Variants in PLCG2 observed in about 807,000 individuals in gnomAD.
PLCG2 encodes 1-phosphatidylinositol 4,5-bisphosphate phosphodiesterase gamma-2.
Under a neutral mutation model 175.6 loss-of-function variants are expected in PLCG2, and 69 were observed. The observed-to-expected ratio is 0.39, with a 90% CI of 0.32 to 0.48. The LOEUF is 0.48. Ranked by LOEUF, PLCG2 falls within the 20% of genes least tolerant of loss-of-function variation. PLCG2 has a pLI of 0.91. For missense variants in PLCG2, 1,798 were observed against 1,650.9 expected (o/e 1.09, Z -1.54); for synonymous variants, 827 against 624.0 (o/e 1.33, Z -4.85).
At chr16:81,757,805 C>T (rs1426793839) in intron 2 of PLCG2, among the ~76,000 whole-genome samples, 6 of 151,928 alleles carry the variant, frequency 3.9e-5, no homozygotes, top group African/African-American at 1.5e-4. Context: ...ACCCCTTAGG[C>T]CGTCACTCCC....
chr16:81,833,584 C>T (rs1330682466), intron 2 of PLCG2, among the ~76,000 whole-genome samples: 3 of 148,364 alleles, frequency 2.0e-5, no homozygotes, highest in Non-Finnish European at 4.4e-5. Flanking sequence ...GGCTGGAGTG[C>T]GGTGGTGTGA....
chr16:81,740,933 G>A (rs967817752), intron 1 of PLCG2, among the ~76,000 whole-genome samples: 10 of 152,096 alleles, frequency 6.6e-5, no homozygotes, highest in African/African-American at 2.4e-4. Flanking sequence ...ATCCTCCCTG[G>A]AATTCCCACA....
At position 81,865,094 on chromosome 16, in the gene PLCG2, G is replaced by A. The variant is rs944497802; in HGVS notation, c.480-4120G>A. ...AGGCAGCTGGGGAGTCACAACCATG[G>A]CCTGGGCACACCTGATGGGGAGCTC... On this transcript the variant is annotated intron_variant, in intron 5 of 32. Coordinates refer to ENST00000564138, the MANE Select transcript of PLCG2 (RefSeq NM_002661.5). Among the ~76,000 whole-genome samples the A allele has an allele frequency of 1.4e-4, 22 of 152,176 alleles. 1 individual carries two copies.
At chr16:81,753,485 C>A (rs922514696) in intron 1 of PLCG2, among the ~76,000 whole-genome samples, 1 of 148,082 alleles carries the variant, frequency 6.8e-6, no homozygotes, top group African/African-American at 2.5e-5. Context: ...GTAGTTGTAT[C>A]TTGGCTCACT....
chr16:81,739,276 G>C (rs553979879), exon 1 of PLCG2: 1 of 151,986 alleles, frequency 6.6e-6, no homozygotes, highest in South Asian at 2.1e-4. Flanking sequence ...GGGCACAGGG[G>C]ATTAAGCCTC....
intron 2 of PLCG2, among the ~76,000 whole-genome samples, chr16:81,786,514 T>A (rs1479423070): frequency 6.6e-6 from 1 of 152,186 alleles, no homozygotes; most frequent in African/African-American, 2.4e-5. Context: ...GGTCGAGTCA[T>A]CTTTCCTCTT....
intron 21 of PLCG2, chr16:81,921,711 C>G (rs944728256): frequency 2.0e-5 from 5 of 250,376 alleles, no homozygotes; most frequent in African/African-American, 9.2e-5. Flanking sequence ...CTCGGCTCCT[C>G]CTTGCCATGC....
At chr16:81,834,498 T>G (rs920533094) in intron 2 of PLCG2, among the ~76,000 whole-genome samples, 3 of 151,258 alleles carry the variant, frequency 2.0e-5, no homozygotes, top group African/African-American at 7.3e-5. Flanking sequence ...ATGGAGTTGA[T>G]GATAATGGTA....
intron 2 of PLCG2, among the ~76,000 whole-genome samples, chr16:81,787,615 G>A (rs1911039214): frequency 6.6e-6 from 1 of 150,590 alleles, no homozygotes; most frequent in Non-Finnish European, 1.5e-5. Context: ...TATGCAGCAT[G>A]TATAGTGTGG....
chr16:81,741,168 G>A (rs1460413671), intron 1 of PLCG2, among the ~76,000 whole-genome samples: 1 of 151,996 alleles, frequency 6.6e-6, no homozygotes, highest in East Asian at 1.9e-4. Context: ...GGTCCTCCAG[G>A]TCTGATGTGA....
rs75321352 is a variant in PLCG2 at position 81,882,245 on chromosome 16, G to C, written c.693-1024G>C. On this transcript the variant is annotated intron_variant, in intron 8 of 32. Coordinates refer to ENST00000564138, the MANE Select transcript of PLCG2 (RefSeq NM_002661.5). Reference sequence around the variant, plus strand: ...GCTCGTGCTGGCCCAGTGAGGCCCTGTTTTTCTGGTGGCCTGCTGGCCAAG... The same window carrying C: ...GCTCGTGCTGGCCCAGTGAGGCCCTCTTTTTCTGGTGGCCTGCTGGCCAAG... Among the ~76,000 whole-genome samples the C allele has an allele frequency of 1.0e-2, 1,520 of 152,288 alleles. 30 individuals are homozygous for C. The highest frequency in any genetic ancestry group is 0.035 in the African/African-American group (1,474 of 41,556).
intron 2 of PLCG2, among the ~76,000 whole-genome samples, chr16:81,768,503 A>C (rs940787320): frequency 2.1e-4 from 30 of 144,732 alleles, no homozygotes; most frequent in African/African-American, 7.3e-4. Context: ...ACTGTTTTGC[A>C]TTTCCACCAG....
At chr16:81,801,661 G>T (rs986886708) in intron 2 of PLCG2, among the ~76,000 whole-genome samples, 3 of 152,014 alleles carry the variant, frequency 2.0e-5, no homozygotes, top group African/African-American at 7.3e-5. Context: ...TTCGATATTA[G>T]ATAGTTGTTT....
At chr16:81,868,632 G>C (rs1907362168) in intron 5 of PLCG2, among the ~76,000 whole-genome samples, 1 of 152,204 alleles carries the variant, frequency 6.6e-6, no homozygotes, top group Non-Finnish European at 1.5e-5. Flanking sequence ...GTTTACCCAG[G>C]CTTCATTGAA....
At position 81,937,792 on chromosome 16, in the gene PLCG2, T is replaced by A. The variant is rs1028253380; in HGVS notation, c.3087T>A (p.Ser1029=). The stretch of plus-strand genomic sequence containing the variant: ...TGCAGATGAATCACGCATTGTTTTC[T>A]CTCAATGGGCGCACGGGCTACGTTC... ...KYMQMNHALF[S]LNGRTGYVLQ... The change falls in exon 28 of 33, where the codon TCT becomes TCA. Residue 1029 remains serine (S), a synonymous_variant. Coordinates refer to ENST00000564138, the MANE Select transcript of PLCG2 (RefSeq NM_002661.5). The A allele has an allele frequency of 1.2e-6, 2 of 1,613,896 alleles. No individual in the cohort carries two copies. The highest frequency in any genetic ancestry group is 1.7e-6 in the Non-Finnish European group (2 of 1,179,968).
chr16:81,899,289 T>TATATATATATATATATATATACAC (rs908648451), intron 13 of PLCG2, among the ~76,000 whole-genome samples: 3 of 92,420 alleles, frequency 3.2e-5, no homozygotes, highest in African/African-American at 1.1e-4. Flanking sequence ...TATATATATA[T>TATATATATATATATATATATACAC]ACACACACAC....
intron 31 of PLCG2, among the ~76,000 whole-genome samples, chr16:81,950,525 T>A (rs1374752874): frequency 1.3e-5 from 2 of 152,248 alleles, no homozygotes; most frequent in African/African-American, 4.8e-5. Flanking sequence ...CAAAATAATT[T>A]GCCTTAAGAA....
intron 2 of PLCG2, among the ~76,000 whole-genome samples, chr16:81,839,239 AGCAGTAG>A (rs1207484662): frequency 6.6e-6 from 1 of 152,252 alleles, no homozygotes; most frequent in Non-Finnish European, 1.5e-5. Context: ...AAATAGTATC[AGCAGTAG>A]GCAGATACAA....
At chr16:81,773,053 C>G (rs1036185750) in intron 2 of PLCG2, among the ~76,000 whole-genome samples, 3 of 152,162 alleles carry the variant, frequency 2.0e-5, no homozygotes, top group Non-Finnish European at 4.4e-5. Flanking sequence ...GCTGATCCAT[C>G]CTAAATATAC....
Sources: allele counts gnomAD v4.1 joint callset (sites outside exome capture counted in the v4.1 genomes callset), GRCh38; gene constraint gnomAD v4.1.1; transcripts MANE v1.5; gene names NCBI Gene and HGNC (gene_info 2026-07-23, HGNC 2026-07-21).